Variants in UNC79 observed in about 807,000 individuals in gnomAD.
The protein encoded by UNC79 is protein unc-79 homolog.
A neutral mutation model predicts 283.1 loss-of-function variants in UNC79; 37 were observed. The observed-to-expected ratio is 0.13, with a 90% CI of 0.10 to 0.17. The LOEUF (loss-of-function observed/expected upper bound fraction) is 0.17, where lower values mean the gene tolerates loss of function less well. Ranked by LOEUF, UNC79 falls within the 10% of genes least tolerant of loss-of-function variation. The pLI is 1.00. For missense variants in UNC79, 2,272 were observed against 3,211.1 expected (o/e 0.71, Z 7.07); for synonymous variants, 1,107 against 1,200.2 (o/e 0.92, Z 1.61).
intron 1 of UNC79, among the ~76,000 whole-genome samples, chr14:93,391,209 T>A (rs960898743): frequency 2.6e-5 from 4 of 152,084 alleles, no homozygotes; most frequent in African/African-American, 9.7e-5. Flanking sequence ...TTAAGGATAG[T>A]CTTTTCAATA....
At position 93,655,214 on chromosome 14, in the gene UNC79, C is replaced by T; in HGVS notation, c.6283-20C>T. The T allele has an allele frequency of 6.2e-7, 1 of 1,612,138 alleles. No homozygotes were observed. The highest frequency in any genetic ancestry group is 8.5e-7 in the Non-Finnish European group (1 of 1,178,942). Reference sequence around the variant, plus strand: ...CCGTGCTGTTTCAGCAGTTGATGGCCTATGCTTTTGTGTTTTTAGGGTCTA... The same window carrying T: ...CCGTGCTGTTTCAGCAGTTGATGGCTTATGCTTTTGTGTTTTTAGGGTCTA... On this transcript the variant is annotated intron_variant, in intron 37 of 48. Transcript: ENST00000555664.
At chr14:93,574,555 G>C (rs1479573180) in intron 16 of UNC79, among the ~76,000 whole-genome samples, 1 of 152,184 alleles carries the variant, frequency 6.6e-6, no homozygotes, top group Non-Finnish European at 1.5e-5. Context: ...ATGTATAAAG[G>C]TTAAGAAAGC....
In UNC79 at chr14:93,593,765, G is replaced by A. The variant is rs556676306; in HGVS notation, c.3118G>A (p.Gly1040Ser). ...CCTCCATGCCCTGTCACTTCCTCAT[G>A]GTGCTGACATCTTCTGGACAATCAT... The change falls in exon 23 of 49, where the codon GGT becomes AGT. Residue 1040 changes from glycine to serine, a missense_variant. Gly to Ser is a moderately conservative substitution (Grantham distance 56, BLOSUM62 0). This residue lies in a region of UNC79 where 237 missense variants were observed against 378.9 expected (regional missense o/e 0.63). Coordinates refer to ENST00000555664, the Ensembl canonical transcript of UNC79. The A allele has an allele frequency of 8.1e-6, 13 of 1,614,022 alleles. No individual in the cohort carries two copies. The South Asian group carries it at 1.3e-4, about 16-fold the overall frequency.
intron 1 of UNC79, among the ~76,000 whole-genome samples, chr14:93,379,829 A>G (rs930007880): frequency 5.3e-5 from 8 of 152,066 alleles, no homozygotes; most frequent in South Asian, 2.1e-4. Flanking sequence ...TGTAACCAAA[A>G]CCCATCTGTT....
intron 1 of UNC79, among the ~76,000 whole-genome samples, chr14:93,361,260 G>A (rs2402279): frequency 0.42 from 22,843 of 54,966 alleles, 3,601 homozygotes; most frequent in African/African-American, 0.6. Context: ...AAGAAAAGAA[G>A]GAGGCACAAC....
exon 7 of UNC79, chr14:93,497,282 C>T: frequency 6.2e-7 from 1 of 1,611,886 alleles, no homozygotes; most frequent in East Asian, 2.2e-5. Flanking sequence ...GGTTGCAGTA[C>T]ACAGGTAAGA....
intron 5 of UNC79, among the ~76,000 whole-genome samples, chr14:93,493,191 G>A (rs758145873): frequency 6.6e-6 from 1 of 152,086 alleles, no homozygotes; most frequent in Admixed American, 6.5e-5. Context: ...GGCCTACAAG[G>A]GGGGGCGGTT....
intron 7 of UNC79, 128 bp from the exon 8 acceptor site, chr14:93,523,850 A>G (rs1220629191): frequency 2.1e-6 from 2 of 932,562 alleles, no homozygotes; most frequent in South Asian, 1.7e-5. Context: ...GATTAAAAAG[A>G]TGATTCTGTT....
intron 46 of UNC79, 65 bp downstream of exon 49, chr14:93,692,011 C>T: frequency 6.5e-7 from 1 of 1,546,886 alleles, no homozygotes; most frequent in Non-Finnish European, 8.9e-7. Context: ...ACTCCTAATC[C>T]TCACACTCCC....
At chr14:93,634,626 A>T (rs1393293706) in intron 31 of UNC79, 1 of 1,613,788 alleles carries the variant, frequency 6.2e-7, no homozygotes, top group African/African-American at 1.3e-5. Flanking sequence ...AACATCAGCA[A>T]CTGGGACACT....
At chr14:93,498,395 T>G (rs1159327567) in intron 7 of UNC79, among the ~76,000 whole-genome samples, 1 of 152,124 alleles carries the variant, frequency 6.6e-6, no homozygotes, top group Non-Finnish European at 1.5e-5. Flanking sequence ...GAGACCATCC[T>G]GGCCAACATG....
intron 14 of UNC79, among the ~76,000 whole-genome samples, chr14:93,568,081 G>A (rs553853733): frequency 2.0e-5 from 3 of 152,286 alleles, no homozygotes; most frequent in African/African-American, 2.4e-5. Flanking sequence ...AATAGAATGG[G>A]AGGCAGATTT....
At position 93,513,661 on chromosome 14, in the gene UNC79, T is replaced by C. The variant is rs540055977; in HGVS notation, c.899-10317T>C. 2.2e-4 allele frequency among the ~76,000 whole-genome samples: 34 copies of C among 152,296 alleles called. No homozygotes were observed. In the South Asian group the frequency reaches 6.2e-3, roughly 28 times the overall value. ...CTCAAGGATTTATTATTTCTATGCA[T>C]TGGGGACATTTCAAGTCGTCTCTTC... On this transcript the variant is annotated intron_variant, in intron 7 of 48. Transcript: ENST00000555664.
At position 93,518,877 on chromosome 14, in the gene UNC79, C is replaced by A. The variant is rs544506341; in HGVS notation, c.899-5101C>A. Among the ~76,000 whole-genome samples, 556 of 151,912 alleles carry A rather than the reference C, an allele frequency of 3.7e-3. 5 individuals are homozygous for A. Among genetic ancestry groups the A allele is most frequent in the African/African-American group, 0.013 (535 of 41,500 alleles). On this transcript the variant is annotated intron_variant, in intron 7 of 48. Transcript: ENST00000555664. Reference sequence around the variant, plus strand: ...TGTGTTATTGGTTTCTAGTTTAATTCTATTGTGGCTAGAGAATATGCTGTA... The same window carrying A: ...TGTGTTATTGGTTTCTAGTTTAATTATATTGTGGCTAGAGAATATGCTGTA...
At chr14:93,654,467 A>G (rs2070686411) in intron 37 of UNC79, among the ~76,000 whole-genome samples, 1 of 148,734 alleles carries the variant, frequency 6.7e-6, no homozygotes, top group African/African-American at 2.4e-5. Flanking sequence ...TTACACTCCA[A>G]GTTGTAATGG....
chr14:93,340,038 CA>C (rs2053670352), intron 1 of UNC79, among the ~76,000 whole-genome samples: 1 of 152,178 alleles, frequency 6.6e-6, no homozygotes, highest in South Asian at 2.1e-4. Flanking sequence ...TAGAAAGACA[CA>C]AAAGTGCATG....
chr14:93,600,424 C>A, intron 24 of UNC79, 145 bp from the exon 25 acceptor site: 3 of 534,678 alleles, frequency 5.6e-6, no homozygotes, highest in Non-Finnish European at 9.6e-6. Flanking sequence ...AAAAAAGATT[C>A]CAGTGGGATC....
At chr14:93,689,996 T>C (rs1345980045) in intron 44 of UNC79, 121 bp from the exon 48 acceptor site, 1 of 1,105,722 alleles carries the variant, frequency 9.0e-7, no homozygotes, top group African/African-American at 1.6e-5. Flanking sequence ...CCTTGGCGTT[T>C]TGTTTTATGT....
chr14:93,697,528 T>TGAAA (rs2075232676), intron 47 of UNC79, among the ~76,000 whole-genome samples: 5 of 152,200 alleles, frequency 3.3e-5, no homozygotes, highest in African/African-American at 1.2e-4. Flanking sequence ...CTAAATTCAT[T>TGAAA]CATCTTTTTC....
Sources: gnomAD v4.1 joint callset for allele counts (sites outside exome capture counted in the v4.1 genomes callset) on GRCh38, gnomAD v4.1.1 for gene constraint, gnomAD v4.1.1 regional missense constraint, MANE v1.5 for transcripts, NCBI Gene and HGNC (gene_info 2026-07-23, HGNC 2026-07-21) for gene names.